UBE2K: variants seen among roughly 807,000 people sequenced by gnomAD.
UBE2K encodes the protein ubiquitin-conjugating enzyme E2 K.
In UBE2K, 6 loss-of-function variants were observed where a neutral mutation model predicts 30.0. The ratio of observed to expected loss-of-function variants is 0.20; its 90% confidence interval spans 0.11 to 0.39. The LOEUF is 0.39. Ranked by LOEUF, UBE2K falls within the 10% of genes least tolerant of loss-of-function variation. The pLI, the probability that UBE2K is intolerant of heterozygous loss-of-function variation, is 1.00. For missense variants in UBE2K, 61 were observed against 241.6 expected, an observed-to-expected ratio of 0.25 and a Z score of 4.96; for synonymous variants, 86 against 83.7, an observed-to-expected ratio of 1.03 and a Z score of -0.15.
chr4:39,718,225 TACAATCCCTGAGCTAGACACAAAA>T (rs1350949454), intron 1 of UBE2K, among the ~76,000 whole-genome samples: 2 of 152,182 alleles, frequency 1.3e-5, no homozygotes, highest in Non-Finnish European at 2.9e-5. Flanking sequence ...TTGGTGCGTT[TACAATCCCTGAGCTAGACACAAAA>T]GTTCTCCATG....
chr4:39,723,767 G>C lies in UBE2K; in HGVS notation c.64-13653G>C, dbSNP rs560926088. ...GAAAATAATAACATTTAAAATAATT[G>C]TTTCTCTGTGTTAATAATGGGTACT... On this transcript the variant is annotated intron_variant, in intron 1 of 6. Coordinates refer to ENST00000261427, the MANE Select transcript of UBE2K (RefSeq NM_005339.5). 5.3e-5 allele frequency among the ~76,000 whole-genome samples: 8 copies of C among 152,222 alleles called. No individual in the cohort carries two copies. In the South Asian group the frequency reaches 1.7e-3, roughly 32 times the overall value.
At chr4:39,702,124 C>T (rs2109300208) in intron 1 of UBE2K, among the ~76,000 whole-genome samples, 1 of 151,880 alleles carries the variant, frequency 6.6e-6, no homozygotes, top group East Asian at 1.9e-4. Context: ...AATAAAACAC[C>T]CTTAAATCAG....
chr4:39,714,838 C>T (rs533361289), intron 1 of UBE2K, among the ~76,000 whole-genome samples: 23 of 151,318 alleles, frequency 1.5e-4, no homozygotes, highest in African/African-American at 3.4e-4. Flanking sequence ...CGTAAGCCAC[C>T]GTGCTTGGCC....
chr4:39,777,666 T>C lies in UBE2K; in HGVS notation c.400-16T>C, dbSNP rs1303727896. ...TAACTGTAATGTCATGTCAATCAAT[T>C]TTTCCCCCCATATAGTACAAACAAA... On this transcript the variant is annotated splice_polypyrimidine_tract_variant and intron_variant, in intron 5 of 6. Coordinates refer to ENST00000261427, the MANE Select transcript of UBE2K (RefSeq NM_005339.5). The C allele has an allele frequency of 6.5e-7, 1 of 1,529,928 alleles. No individual in the cohort carries two copies. The highest frequency in any genetic ancestry group is 8.7e-7 in the Non-Finnish European group (1 of 1,150,448). 94.8% of individuals were successfully genotyped at this position (1,529,928 alleles called of 1,614,324 possible). A position where few individuals can be genotyped will look rare whatever the true frequency, so the allele number is the denominator to read the frequency against.
chr4:39,740,610 C>A (rs1316411369), intron 2 of UBE2K, among the ~76,000 whole-genome samples: 1 of 151,576 alleles, frequency 6.6e-6, no homozygotes, highest in African/African-American at 2.4e-5. Context: ...CACCTGTAAT[C>A]CCAGCACTTT....
chr4:39,754,474 T>G (rs1050736538), intron 3 of UBE2K, among the ~76,000 whole-genome samples: 2 of 152,146 alleles, frequency 1.3e-5, no homozygotes, highest in African/African-American at 4.8e-5. Flanking sequence ...AAGTGGAAAC[T>G]CTTAGCTTCT....
chr4:39,759,975 A>G (rs1711784371), intron 4 of UBE2K, among the ~76,000 whole-genome samples: 1 of 152,048 alleles, frequency 6.6e-6, no homozygotes, highest in Admixed American at 6.6e-5. Flanking sequence ...CAGGAGTTCA[A>G]GACCAGCCTG....
chr4:39,749,449 A>G (rs1368374682), intron 3 of UBE2K, among the ~76,000 whole-genome samples: 1 of 152,100 alleles, frequency 6.6e-6, no homozygotes, highest in East Asian at 1.9e-4. Context: ...AGATGGCTTG[A>G]GCTCAGAAGT....
chr4:39,741,980 TG>T (rs1434229876), intron 2 of UBE2K, among the ~76,000 whole-genome samples: 2 of 152,172 alleles, frequency 1.3e-5, no homozygotes, highest in Non-Finnish European at 2.9e-5. Flanking sequence ...AATAATGCTA[TG>T]ATTAATGCTA....
intron 1 of UBE2K, among the ~76,000 whole-genome samples, chr4:39,730,751 C>A (rs111283428): frequency 0.18 from 27,275 of 149,064 alleles, 4,477 homozygotes; most frequent in African/African-American, 0.44. Context: ...GCCTGGGCAA[C>A]AGAGTGAGAC....
chr4:39,707,537 CT>C lies in UBE2K; in HGVS notation c.63+9161del, dbSNP rs35461119. On this transcript the variant is annotated intron_variant, in intron 1 of 6. Coordinates refer to ENST00000261427, the MANE Select transcript of UBE2K (RefSeq NM_005339.5). ...TGAGGGAGGTTCTTGAGCTAGGTGC[CT>C]TTTTTTTTTTTTTGAGATGGGGTCT... Among the ~76,000 whole-genome samples, 761 of 139,740 alleles carry C rather than the reference CT, an allele frequency of 5.4e-3. 2 individuals are homozygous for C. Among genetic ancestry groups the C allele is most frequent in the African/African-American group, 0.011 (413 of 38,470 alleles). 91.7% of individuals were successfully genotyped at this position (139,740 alleles called of 152,430 possible). A position where few individuals can be genotyped will look rare whatever the true frequency, so the allele number is the denominator to read the frequency against.
chr4:39,719,063 C>G (rs1719276087), intron 1 of UBE2K, among the ~76,000 whole-genome samples: 1 of 152,258 alleles, frequency 6.6e-6, no homozygotes, highest in East Asian at 1.9e-4. Flanking sequence ...GCTGTCACCT[C>G]TCATTCTGAC....
chr4:39,712,349 C>T (rs185205569), intron 1 of UBE2K, among the ~76,000 whole-genome samples: 62 of 145,704 alleles, frequency 4.3e-4, no homozygotes, highest in Non-Finnish European at 8.7e-4. Flanking sequence ...CCACAGGCAC[C>T]CGCCACTGCG....
intron 3 of UBE2K, among the ~76,000 whole-genome samples, chr4:39,755,103 C>G (rs1721459882): frequency 5.9e-5 from 9 of 152,170 alleles, no homozygotes; most frequent in Admixed American, 5.9e-4. Context: ...AATTAGATTT[C>G]TTAAACTCTA....
At chr4:39,738,499 A>G (rs186870628) in intron 2 of UBE2K, among the ~76,000 whole-genome samples, 258 of 152,066 alleles carry the variant, frequency 1.7e-3, no homozygotes, top group Non-Finnish European at 3.1e-3. Flanking sequence ...TGTTTTATCT[A>G]TTTTTTTATA....
chr4:39,714,544 A>T (rs376914764), intron 1 of UBE2K: 641 of 21,016 alleles, frequency 0.031, 32 homozygotes, highest in East Asian at 0.089. Flanking sequence ...ATATATATAT[A>T]TATATATTTT....
chr4:39,774,695 T>C, intron 4 of UBE2K, 139 bp from the exon 5 acceptor site: 1 of 428,506 alleles, frequency 2.3e-6, no homozygotes, highest in Non-Finnish European at 4.1e-6. Context: ...ATTATAAATG[T>C]CTATGACTTA....
chr4:39,764,413 C>G (rs1712169806), intron 4 of UBE2K, among the ~76,000 whole-genome samples: 1 of 149,404 alleles, frequency 6.7e-6, no homozygotes, highest in Non-Finnish European at 1.5e-5. Flanking sequence ...GTTTTGAGAG[C>G]AAACTGCCTT....
intron 1 of UBE2K, among the ~76,000 whole-genome samples, chr4:39,719,259 T>C (rs1719288515): frequency 6.6e-6 from 1 of 152,208 alleles, no homozygotes; most frequent in Admixed American, 6.5e-5. Context: ...TGTCCTAAAA[T>C]ACCACCCCTG....
Sources: gnomAD v4.1 joint callset for allele counts (sites outside exome capture counted in the v4.1 genomes callset) on GRCh38, gnomAD v4.1.1 for gene constraint, MANE v1.5 for transcripts, NCBI Gene and HGNC (gene_info 2026-07-23, HGNC 2026-07-21) for gene names.